The following AARS1 variants were observed in gnomAD, a reference collection of about 807,000 sequenced individuals.
AARS1 encodes the protein alanyl-tRNA synthetase 1.
AARS1 carries 72 observed loss-of-function variants against 108.9 expected under a neutral mutation model. The observed-to-expected ratio is 0.66, with a 90% CI of 0.55 to 0.80. The LOEUF (loss-of-function observed/expected upper bound fraction) is 0.80, where lower values mean the gene tolerates loss of function less well. AARS1 is among the 30% of genes least tolerant of loss of function. The pLI, the probability that AARS1 is intolerant of heterozygous loss-of-function variation, is 0.00. For synonymous variants in AARS1, 489 were observed against 465.7 expected (o/e 1.05, Z -0.64); for missense variants, 1,193 against 1,233.2 (o/e 0.97, Z 0.49).
chr16:70,286,739 G>A (rs953916869), intron 1 of AARS1, among the ~76,000 whole-genome samples: 31 of 152,088 alleles, frequency 2.0e-4, no homozygotes, highest in African/African-American at 7.0e-4. Context: ...CAGCTACTTG[G>A]GAGGCTGAGG....
chr16:70,289,364 C>T (rs943401030), intron 1 of AARS1, 57 bp downstream of exon 1: 4 of 355,838 alleles, frequency 1.1e-5, no homozygotes, highest in South Asian at 4.1e-5. Flanking sequence ...GCTTTCCCCC[C>T]AGTCTGCGGG....
chr16:70,267,849 A>G (rs1007650963), intron 8 of AARS1, 40 bp from the exon 9 acceptor site: 1 of 1,613,942 alleles, frequency 6.2e-7, no homozygotes, highest in South Asian at 1.1e-5. Context: ...GGATGAAGCC[A>G]GAGACTGTTC....
At chr16:70,268,427 G>T in intron 7 of AARS1, 48 bp from the exon 8 acceptor site, 1 of 1,534,946 alleles carries the variant, frequency 6.5e-7, no homozygotes, top group African/African-American at 1.4e-5. Flanking sequence ...TGAGGGTTTT[G>T]TCTTGAGTCC....
intron 1 of AARS1, among the ~76,000 whole-genome samples, chr16:70,284,324 CG>C (rs1375986458): frequency 2.9e-5 from 4 of 137,508 alleles, no homozygotes; most frequent in Non-Finnish European, 6.3e-5. Context: ...CAAAAATGGC[CG>C]GGCGCGGTGG....
intron 5 of AARS1, 31 bp from the exon 6 acceptor site, chr16:70,270,371 G>A (rs1229539870): frequency 5.6e-6 from 9 of 1,613,968 alleles, no homozygotes; most frequent in Non-Finnish European, 6.8e-6. Flanking sequence ...GGAGGTTGAA[G>A]CAGAGACTCA....
chr16:70,272,883 C>T (rs577223134), intron 4 of AARS1, among the ~76,000 whole-genome samples: 52 of 141,706 alleles, frequency 3.7e-4, no homozygotes, highest in African/African-American at 1.3e-3. Flanking sequence ...GCACTCCAGC[C>T]TGGGTGACAC....
intron 5 of AARS1, among the ~76,000 whole-genome samples, 188 bp from the exon 6 acceptor site, chr16:70,270,528 A>G (rs948482783): frequency 8.6e-5 from 13 of 151,620 alleles, no homozygotes; most frequent in African/African-American, 1.5e-4. Context: ...TCTTAAATGA[A>G]CTCTGGGGTT....
chr16:70,263,540 C>T (rs985605909), intron 11 of AARS1, among the ~76,000 whole-genome samples: 2 of 150,838 alleles, frequency 1.3e-5, no homozygotes, highest in Non-Finnish European at 2.9e-5. Context: ...CACTGCACTC[C>T]AGCCTGGGTG....
Position 70,276,483 on chromosome 16 carries a change from T to C in AARS1, c.479+3A>G, listed in dbSNP as rs1189028564. 1.9e-6 allele frequency: 3 copies of C among 1,613,986 alleles called. No individual in the cohort carries two copies. Among genetic ancestry groups the C allele is most frequent in the South Asian group, 1.1e-5 (1 of 91,080 alleles). ...ACTCTCAAGAAGTGATGTGCATTCT[T>C]ACCCCAAATTTTGCCAGATCTGTTT... On this transcript the variant is annotated splice_donor_region_variant and intron_variant, in intron 4 of 20. Coordinates refer to ENST00000261772, the MANE Select transcript of AARS1 (RefSeq NM_001605.3).
chr16:70,275,387 G>A (rs1045251676), intron 4 of AARS1, among the ~76,000 whole-genome samples: 22 of 150,508 alleles, frequency 1.5e-4, no homozygotes, highest in African/African-American at 2.2e-4. Flanking sequence ...AGGCCACGGC[G>A]GGCAGATCAC....
At position 70,253,243 on chromosome 16, in the gene AARS1, C is replaced by T. The variant is rs751332202; in HGVS notation, c.2721+25G>A. ...CCAACAACCTTAAGACCTAACACTT[C>T]CCACTGGTGCGAGGTGGTGCTGACC... On this transcript the variant is annotated intron_variant, in intron 20 of 20. Transcript: ENST00000261772. 10 of 1,566,700 alleles carry T rather than the reference C, an allele frequency of 6.4e-6. No individual in the cohort carries two copies. In the African/African-American group the frequency reaches 6.8e-5, roughly 11 times the overall value.
chr16:70,276,434 C>G (rs190540115), intron 4 of AARS1, 52 bp downstream of exon 4: 1 of 1,604,410 alleles, frequency 6.2e-7, no homozygotes, highest in Non-Finnish European at 8.5e-7. Context: ...CACTCTGGCA[C>G]TGAGTGTCAT....
chr16:70,285,496 T>C (rs1221629458), intron 1 of AARS1, among the ~76,000 whole-genome samples: 1 of 152,092 alleles, frequency 6.6e-6, no homozygotes, highest in Non-Finnish European at 1.5e-5. Flanking sequence ...TCGCCCAGGC[T>C]GGAGCGCTGT....
At chr16:70,269,453 G>C (rs548335940) in intron 7 of AARS1, among the ~76,000 whole-genome samples, 165 bp downstream of exon 7, 9 of 150,134 alleles carry the variant, frequency 6.0e-5, no homozygotes, top group African/African-American at 2.2e-4. Flanking sequence ...AGAATCACTT[G>C]AACCCAGCAG....
chr16:70,271,643 A>T, intron 5 of AARS1, 138 bp downstream of exon 5: 1 of 872,542 alleles, frequency 1.1e-6, no homozygotes, highest in South Asian at 1.4e-5. Flanking sequence ...GAATAGGCCC[A>T]TCCTTGTTCC....
rs1597431809 is a variant in AARS1, at chr16:70,252,568, G to A, written c.*153C>T. On this transcript the variant is annotated 3_prime_UTR_variant, in exon 21 of 21. Coordinates refer to ENST00000261772, the MANE Select transcript of AARS1 (RefSeq NM_001605.3). ...GAGGGCTCAGGGCAGAAATTTAAGG[G>A]GCACTGAGACATAGGACTGCTCCCA... 1 of 800,854 alleles carries A rather than the reference G, an allele frequency of 1.2e-6. No homozygotes were observed. The highest frequency in any genetic ancestry group is 2.0e-6 in the Non-Finnish European group (1 of 489,576). 49.6% of individuals were successfully genotyped at this position (800,854 alleles called of 1,614,324 possible).
chr16:70,284,830 C>T (rs2152171693), intron 1 of AARS1, among the ~76,000 whole-genome samples: 1 of 152,280 alleles, frequency 6.6e-6, no homozygotes, highest in Admixed American at 6.6e-5. Flanking sequence ...TCACTTTTGC[C>T]TGAGTTCAGT....
chr16:70,270,196 CT>C lies in AARS1; in HGVS notation c.815del (p.Lys272ArgfsTer53). On this transcript the variant is annotated frameshift_variant and splice_region_variant, in exon 6 of 21. Coordinates refer to ENST00000261772, the MANE Select transcript of AARS1 (RefSeq NM_001605.3). LOFTEE classifies it high-confidence loss of function. ...LFVPYFEAIQ[K>X]GTGARPYTGK... The stretch of plus-strand genomic sequence containing the variant: ...ACAATGTTTGCAATAGCACCAGTAC[CT>C]TCTGAATGGCTTCAAAGTAAGGGAC... 6.2e-7 allele frequency: 1 copy of C among 1,614,130 alleles called. No individual in the cohort carries two copies. The highest frequency in any genetic ancestry group is 8.5e-7 in the Non-Finnish European group (1 of 1,180,016).
At chr16:70,266,475 A>G (rs1960266015) in intron 9 of AARS1, among the ~76,000 whole-genome samples, 2 of 151,088 alleles carry the variant, frequency 1.3e-5, no homozygotes, top group South Asian at 4.2e-4. Flanking sequence ...CAGCCTGGGC[A>G]ACAGAGTGAG....
Sources: gnomAD v4.1 joint callset for allele counts (sites outside exome capture counted in the v4.1 genomes callset) on GRCh38, gnomAD v4.1.1 for gene constraint, MANE v1.5 for transcripts, NCBI Gene and HGNC (gene_info 2026-07-23, HGNC 2026-07-21) for gene names.